Variants in SNX18 observed in about 807,000 individuals in gnomAD.
SNX18 encodes sorting nexin-18.
A neutral mutation model predicts 48.7 loss-of-function variants in SNX18; 35 were observed. That is an observed-to-expected ratio of 0.72 (90% CI 0.55 to 0.95). SNX18 has a LOEUF of 0.95. Among genes scored for constraint, SNX18 ranks in the 40% least tolerant of loss-of-function variants. The probability of loss-of-function intolerance (pLI) is 0.00; values close to 1 mark genes in which losing one functional copy is unlikely to be tolerated. For synonymous variants in SNX18, 492 were observed against 384.7 expected (o/e 1.28, Z -3.26); for missense variants, 824 against 871.0 (o/e 0.95, Z 0.68).
At chr5:54,626,755 C>T in the SNX18 span, among the ~76,000 whole-genome samples, 3 of 152,184 alleles carry the variant, frequency 2.0e-5, no homozygotes, top group African/African-American at 7.2e-5. Context: ...AATAATTCTC[C>T]AGTCCAAAAT....
chr5:54,628,994 A>G, the SNX18 span, among the ~76,000 whole-genome samples: 1 of 152,120 alleles, frequency 6.6e-6, no homozygotes, highest in African/African-American at 2.4e-5. Flanking sequence ...TGTCCCCTAC[A>G]CCGGAAAGTC....
At chr5:54,643,374 TAATA>T in the SNX18 span, among the ~76,000 whole-genome samples, 25 of 152,308 alleles carry the variant, frequency 1.6e-4, no homozygotes, top group African/African-American at 5.5e-4. Context: ...TGAAAAATAG[TAATA>T]AATAGATGTG....
At chr5:54,569,666 A>C in the SNX18 span, among the ~76,000 whole-genome samples, 1 of 152,172 alleles carries the variant, frequency 6.6e-6, no homozygotes, top group East Asian at 1.9e-4. Context: ...CCTGCATGTA[A>C]TATCTCCATG....
chr5:54,623,598 G>C, the SNX18 span, among the ~76,000 whole-genome samples: 1 of 152,076 alleles, frequency 6.6e-6, no homozygotes, highest in African/African-American at 2.4e-5. Context: ...TACCAGAGGA[G>C]TGATGTTCTC....
chr5:54,528,139 T>TACAC lies in SNX18; in HGVS notation c.1621+8590_1621+8593dup, dbSNP rs10554517. ...AAACTTACGCATGCATACACGCACA[T>TACAC]ACACACACACACACACACACACACA... On this transcript the variant is annotated intron_variant, in intron 1 of 1. Coordinates refer to ENST00000381410, the MANE Select transcript of SNX18 (RefSeq NM_001102575.2). Among the ~76,000 whole-genome samples, 1,057 of 150,232 alleles carry TACAC rather than the reference T, an allele frequency of 7.0e-3. 3 individuals are homozygous for TACAC. Among genetic ancestry groups the TACAC allele is most frequent in the Middle Eastern group, 0.01 (3 of 292 alleles).
intron 1 of SNX18, among the ~76,000 whole-genome samples, chr5:54,529,557 A>G (rs1183775548): frequency 6.6e-6 from 1 of 152,078 alleles, no homozygotes; most frequent in Non-Finnish European, 1.5e-5. Flanking sequence ...AGGTTAGGGG[A>G]GTGGGTGTGG....
At chr5:54,585,025 C>G in the SNX18 span, among the ~76,000 whole-genome samples, 3 of 152,178 alleles carry the variant, frequency 2.0e-5, no homozygotes, top group Non-Finnish European at 4.4e-5. Flanking sequence ...GGCATGATGG[C>G]TCACGCCTGT....
At chr5:54,591,541 A>G in the SNX18 span, among the ~76,000 whole-genome samples, 1 of 152,206 alleles carries the variant, frequency 6.6e-6, no homozygotes, top group African/African-American at 2.4e-5. Flanking sequence ...ATGCAAGGGA[A>G]GGTGGGCAGG....
chr5:54,578,818 C>T, the SNX18 span, among the ~76,000 whole-genome samples: 3 of 152,166 alleles, frequency 2.0e-5, no homozygotes, highest in Admixed American at 2.0e-4. Context: ...CTCTTACAAC[C>T]ACTTTTCTTG....
the SNX18 span, among the ~76,000 whole-genome samples, chr5:54,618,822 T>TA: frequency 4.6e-4 from 70 of 151,822 alleles, no homozygotes; most frequent in Non-Finnish European, 8.7e-4. Context: ...AAGTGTGTGC[T>TA]AAAAAAAATC....
At chr5:54,599,403 T>G in the SNX18 span, among the ~76,000 whole-genome samples, 2 of 152,186 alleles carry the variant, frequency 1.3e-5, no homozygotes, top group African/African-American at 4.8e-5. Context: ...ACGGCCATAC[T>G]ACCCAAAATA....
At chr5:54,630,540 A>C in the SNX18 span, among the ~76,000 whole-genome samples, 1 of 152,146 alleles carries the variant, frequency 6.6e-6, no homozygotes, top group African/African-American at 2.4e-5. Flanking sequence ...CTTGAACTAA[A>C]GACCTCATGG....
At chr5:54,632,766 T>C in the SNX18 span, among the ~76,000 whole-genome samples, 4 of 152,016 alleles carry the variant, frequency 2.6e-5, no homozygotes, top group Admixed American at 2.6e-4. Context: ...CCCAGGGCAG[T>C]AATTTTTATT....
chr5:54,628,238 G>A, the SNX18 span, among the ~76,000 whole-genome samples: 1 of 152,190 alleles, frequency 6.6e-6, no homozygotes, highest in Non-Finnish European at 1.5e-5. Flanking sequence ...ACTTAACCAG[G>A]AAGGTCAGTG....
chr5:54,611,746 G>A, the SNX18 span, among the ~76,000 whole-genome samples: 2 of 152,184 alleles, frequency 1.3e-5, no homozygotes, highest in African/African-American at 4.8e-5. Flanking sequence ...GAAAGGAGAA[G>A]TGGGGGTGGG....
At chr5:54,599,926 G>A in the SNX18 span, among the ~76,000 whole-genome samples, 5 of 152,136 alleles carry the variant, frequency 3.3e-5, no homozygotes, top group Non-Finnish European at 5.9e-5. Context: ...AGAGGCATGG[G>A]CAAAGATTTC....
At chr5:54,552,135 A>G in the SNX18 span, among the ~76,000 whole-genome samples, 1 of 152,180 alleles carries the variant, frequency 6.6e-6, no homozygotes, top group Non-Finnish European at 1.5e-5. Context: ...GCGGAATTCA[A>G]ATCTGTGCCT....
At chr5:54,595,387 C>T in the SNX18 span, among the ~76,000 whole-genome samples, 1 of 152,136 alleles carries the variant, frequency 6.6e-6, no homozygotes, top group Non-Finnish European at 1.5e-5. Context: ...AGGCACGCGC[C>T]ACCATGCCCA....
chr5:54,632,856 C>T, the SNX18 span, among the ~76,000 whole-genome samples: 1 of 152,114 alleles, frequency 6.6e-6, no homozygotes, highest in African/African-American at 2.4e-5. Context: ...TTACTGCAAC[C>T]TCTGCCTCCC....
Sources: allele counts gnomAD v4.1 joint callset (sites outside exome capture counted in the v4.1 genomes callset), GRCh38; gene constraint gnomAD v4.1.1; transcripts MANE v1.5; gene names NCBI Gene and HGNC (gene_info 2026-07-23, HGNC 2026-07-21).